The following GOLGA3 variants were observed in gnomAD, a reference collection of about 807,000 sequenced individuals.
GOLGA3 encodes the protein golgin subfamily A member 3.
GOLGA3 carries 75 observed loss-of-function variants against 169.4 expected under a neutral mutation model. That is an observed-to-expected ratio of 0.44 (90% CI 0.37 to 0.54). The LOEUF (loss-of-function observed/expected upper bound fraction) is 0.54. Among genes scored for constraint, GOLGA3 ranks in the 20% least tolerant of loss-of-function variants. The pLI is 0.00. For missense variants in GOLGA3, 1,899 were observed against 1,930.0 expected, an observed-to-expected ratio of 0.98 and a Z score of 0.30; for synonymous variants, 824 against 822.4, an observed-to-expected ratio of 1.00 and a Z score of -0.03.
intron 13 of GOLGA3, among the ~76,000 whole-genome samples, chr12:132,788,016 C>T (rs1238395656): frequency 6.6e-6 from 1 of 152,114 alleles, no homozygotes. Context: ...CTCCTGTGTG[C>T]GAGGCGAGTC....
Position 132,807,905 on chromosome 12 carries a change from G to A in GOLGA3, c.1164C>T (p.Asp388=), listed in dbSNP as rs1566122573. 1.2e-6 allele frequency: 2 copies of A among 1,600,204 alleles called. No individual in the cohort carries two copies. Among genetic ancestry groups the A allele is most frequent in the Admixed American group, 1.7e-5 (1 of 58,826 alleles). ...GTCCCCACCACCTGCTGCAGATGCT[G>A]TCTCTCCGACTCCGCACCTCCCCGT... ...EVNGEVRSRR[D]SICSSVSLES... Residue 388 remains aspartate (D), a synonymous_variant, in exon 5 of 24, where the codon GAC becomes GAT. Coordinates refer to ENST00000450791, the MANE Select transcript of GOLGA3 (RefSeq NM_001389683.1).
At position 132,786,697 on chromosome 12, in the gene GOLGA3, G is replaced by A. The variant is rs780546415; in HGVS notation, c.2902C>T (p.Arg968Trp). Residue 968 changes from arginine to tryptophan, a missense_variant, in exon 14 of 24, where the codon CGG (arginine) becomes TGG (tryptophan). By Grantham distance (101) the Arg-to-Trp change is moderately radical (BLOSUM62 -3). Transcript: ENST00000450791. ...CCCGGGCACATGCAGACTTACTTCC[G>A]GGCCTCTTGCTGCAACTCTTCGATT... ...KQIEELQQEA[R>W]KAITEQKQKM... 13 of 1,580,000 alleles carry A rather than the reference G, an allele frequency of 8.2e-6. No homozygotes were observed. Among genetic ancestry groups the A allele is most frequent in the African/African-American group, 7.5e-5 (5 of 66,348 alleles).
chr12:132,783,783 G>A (rs1030482338), intron 16 of GOLGA3: 9 of 585,828 alleles, frequency 1.5e-5, no homozygotes, highest in East Asian at 7.8e-5. Flanking sequence ...TCACCATGTC[G>A]GCCAGGCTGG....
At chr12:132,790,260 G>A (rs2046157218) in intron 12 of GOLGA3, among the ~76,000 whole-genome samples, 1 of 152,126 alleles carries the variant, frequency 6.6e-6, no homozygotes, top group Admixed American at 6.6e-5. Context: ...CGTGAACCTG[G>A]GAGGCGGAGC....
rs540317203 is a variant in GOLGA3, at chr12:132,821,770, C to T, written c.133+226G>A. ...TCAGGAGGCTGGGGCAAGAGAATGG[C>T]ATGAACCCGGGAGGCGGAGCTTGCA... On this transcript the variant is annotated intron_variant, in intron 2 of 23. Transcript: ENST00000450791. Among the ~76,000 whole-genome samples the T allele has an allele frequency of 5.6e-5, 8 of 142,646 alleles. 1 individual carries two copies. In the East Asian group the frequency reaches 1.5e-3, roughly 27 times the overall value. The allele number at this position is 142,646 out of a possible 152,430, so 93.6% of individuals were successfully genotyped here. A position where few individuals can be genotyped will look rare whatever the true frequency, so the allele number is the denominator to read the frequency against.
rs775172887 is a variant in GOLGA3, at chr12:132,807,141, C to T, written c.1290+36G>A. ...AGGAGCCACACATGCTTTCCGACTT[C>T]GCCGCACGCTGAGATGTCAGTCGAA... On this transcript the variant is annotated intron_variant, in intron 6 of 23. Transcript: ENST00000450791. The T allele has an allele frequency of 1.5e-5, 19 of 1,302,342 alleles. No homozygotes were observed. In the East Asian group the frequency reaches 2.2e-4, roughly 15 times the overall value. The allele number at this position is 1,302,342 out of a possible 1,614,324, so 80.7% of individuals were successfully genotyped here. A position where few individuals can be genotyped will look rare whatever the true frequency, so the allele number is the denominator to read the frequency against.
At chr12:132,783,665 G>T (rs186795966) in intron 16 of GOLGA3, among the ~76,000 whole-genome samples, 5 of 152,212 alleles carry the variant, frequency 3.3e-5, no homozygotes, top group African/African-American at 9.6e-5. Context: ...TGCAACCTCC[G>T]CTCCTGGGTT....
chr12:132,777,940 G>C lies in GOLGA3; in HGVS notation c.3583-135C>G, dbSNP rs1283142375. 8 of 936,794 alleles carry C rather than the reference G, an allele frequency of 8.5e-6. No individual in the cohort carries two copies. Among genetic ancestry groups the C allele is most frequent in the Non-Finnish European group, 9.4e-6 (6 of 640,090 alleles). The allele number at this position is 936,794 out of a possible 1,614,324, so 58.0% of individuals were successfully genotyped here. A position where few individuals can be genotyped will look rare whatever the true frequency, so the allele number is the denominator to read the frequency against. Reference sequence around the variant, plus strand: ...CCGGCGTGTGCTTCTCCACAGGCCTGTCAAGTTCCTTGTAAAGATGAAACC... The same window carrying C: ...CCGGCGTGTGCTTCTCCACAGGCCTCTCAAGTTCCTTGTAAAGATGAAACC... On this transcript the variant is annotated intron_variant, in intron 18 of 23. Transcript: ENST00000450791. The surrounding 1 kb of genome is among the most constrained non-coding windows in gnomAD (Gnocchi z 4.7).
intron 22 of GOLGA3, 39 bp downstream of exon 22, chr12:132,775,102 G>A (rs763282181): frequency 1.8e-5 from 29 of 1,583,544 alleles, no homozygotes; most frequent in Admixed American, 3.5e-5. Flanking sequence ...CATCTACAGC[G>A]CACGTCGGCT....
At chr12:132,813,720 C>T (rs1162319866) in intron 3 of GOLGA3, among the ~76,000 whole-genome samples, 1 of 109,940 alleles carries the variant, frequency 9.1e-6, no homozygotes, top group Non-Finnish European at 1.7e-5. Flanking sequence ...GCAGCAAGTG[C>T]CTTTTTTTTT....
chr12:132,811,847 CT>C, intron 4 of GOLGA3: 2 of 953,512 alleles, frequency 2.1e-6, no homozygotes, highest in Non-Finnish European at 2.5e-6. Flanking sequence ...TGAAGAGATC[CT>C]TTTGAAACAT....
intron 1 of GOLGA3, among the ~76,000 whole-genome samples, chr12:132,826,550 C>T (rs1950423610): frequency 6.6e-6 from 1 of 151,932 alleles, no homozygotes. Context: ...ATTCTGCTCA[C>T]TTAATTCCCC....
intron 4 of GOLGA3, among the ~76,000 whole-genome samples, chr12:132,812,222 TA>T (rs1444558718): frequency 2.5e-5 from 3 of 119,188 alleles, no homozygotes; most frequent in Admixed American, 8.7e-5. Flanking sequence ...CATATATATA[TA>T]TATATATTTT....
chr12:132,824,302 G>A (rs1477534341), intron 1 of GOLGA3, among the ~76,000 whole-genome samples: 1 of 152,204 alleles, frequency 6.6e-6, no homozygotes, highest in Non-Finnish European at 1.5e-5. Context: ...GCAGACCTGT[G>A]AGTATCTGCT....
At chr12:132,803,091 CAAAAAA>C (rs201306486) in intron 7 of GOLGA3, among the ~76,000 whole-genome samples, 1 of 63,250 alleles carries the variant, frequency 1.6e-5, no homozygotes, top group South Asian at 3.9e-4. Flanking sequence ...AACAAAACAA[CAAAAAA>C]AAACACTAGA....
chr12:132,808,123 C>T lies in GOLGA3; in HGVS notation c.946G>A (p.Asp316Asn), dbSNP rs773984459. 24 of 1,606,522 alleles carry T rather than the reference C, an allele frequency of 1.5e-5. No individual in the cohort carries two copies. Among genetic ancestry groups the T allele is most frequent in the Middle Eastern group, 1.7e-4 (1 of 6,008 alleles). ...GAGGCGCTGCTGTACGATGAGCTGTCGCTGTCATTTCCATCCACCTCAGAC... is the reference window on the plus strand; with the variant it reads ...GAGGCGCTGCTGTACGATGAGCTGTTGCTGTCATTTCCATCCACCTCAGAC... ...SVSEVDGNDS[D>N]SSSYSSASTR... Residue 316 changes from aspartate to asparagine, a missense_variant, in exon 5 of 24, where the codon GAC becomes AAC. Asp to Asn is a conservative substitution (Grantham distance 23, BLOSUM62 1). Coordinates refer to ENST00000450791, the MANE Select transcript of GOLGA3 (RefSeq NM_001389683.1).
chr12:132,821,954 G>T, intron 2 of GOLGA3, 42 bp downstream of exon 2: 1 of 1,368,514 alleles, frequency 7.3e-7, no homozygotes, highest in Admixed American at 2.3e-5. Context: ...CTCAACACCA[G>T]GTCCTCCTGT....
At chr12:132,822,517 G>A (rs1015193525) in intron 1 of GOLGA3, among the ~76,000 whole-genome samples, 1 of 152,260 alleles carries the variant, frequency 6.6e-6, no homozygotes, top group Non-Finnish European at 1.5e-5. Context: ...TTTCCTGAAG[G>A]AGCTTAATGT....
At position 132,784,211 on chromosome 12, in the gene GOLGA3, G is replaced by A; in HGVS notation, c.3220C>T (p.Gln1074Ter). The A allele has an allele frequency of 6.2e-7, 1 of 1,610,718 alleles. No individual in the cohort carries two copies. The highest frequency in any genetic ancestry group is 8.5e-7 in the Non-Finnish European group (1 of 1,179,962). The part of the protein sequence containing the change: ...ELQEVIALTS[Q>*]ELEESREKVL... ...TTCTCCCGGGACTCCTCCAGCTCCTGGCTGGTCAGCGCTATGACCTCCTGC... is the reference window on the plus strand; with the variant it reads ...TTCTCCCGGGACTCCTCCAGCTCCTAGCTGGTCAGCGCTATGACCTCCTGC... The change falls in exon 16 of 24, where the codon CAG becomes TAG. Residue 1074 changes from glutamine (Q) to a stop codon, truncating the protein, a stop_gained. Transcript: ENST00000450791. LOFTEE classifies it high-confidence loss of function.
Sources: allele counts gnomAD v4.1 joint callset (sites outside exome capture counted in the v4.1 genomes callset), GRCh38; gene constraint gnomAD v4.1.1; non-coding constraint Gnocchi (gnomAD v3.1); transcripts MANE v1.5; gene names NCBI Gene and HGNC (gene_info 2026-07-23, HGNC 2026-07-21).